The following FGD6 variants were observed in gnomAD, a reference collection of about 807,000 sequenced individuals.
FGD6 encodes the protein FYVE, RhoGEF and PH domain containing 6, also known as FYVE, RhoGEF and PH domain-containing protein 6.
FGD6 carries 90 observed loss-of-function variants against 149.4 expected under a neutral mutation model. The ratio of observed to expected loss-of-function variants is 0.60; its 90% CI spans 0.51 to 0.72. The LOEUF (loss-of-function observed/expected upper bound fraction) is 0.72. FGD6 is among the 30% of genes least tolerant of loss of function. FGD6 has a pLI of 0.00. For synonymous variants in FGD6, 527 were observed against 584.0 expected (o/e 0.90, Z 1.41); for missense variants, 1,437 against 1,684.8 (o/e 0.85, Z 2.57).
chr12:95,172,244 C>T (rs1442660485), intron 3 of FGD6, among the ~76,000 whole-genome samples: 1 of 152,108 alleles, frequency 6.6e-6, no homozygotes, highest in Non-Finnish European at 1.5e-5. Flanking sequence ...GGCGTGGTGG[C>T]AGGTGTCTGT....
intron 2 of FGD6, among the ~76,000 whole-genome samples, chr12:95,178,952 G>A (rs1881206046): frequency 1.3e-5 from 2 of 151,904 alleles, no homozygotes; most frequent in Admixed American, 1.3e-4. Flanking sequence ...GCAAGCTAGG[G>A]TTCTATGGCT....
intron 6 of FGD6, among the ~76,000 whole-genome samples, chr12:95,140,973 C>G (rs1317347621): frequency 6.6e-6 from 1 of 152,028 alleles, no homozygotes; most frequent in Non-Finnish European, 1.5e-5. Flanking sequence ...ACCTGTAATC[C>G]CAGCACTTTA....
chr12:95,158,430 C>A (rs1305474827), intron 3 of FGD6, among the ~76,000 whole-genome samples: 1 of 151,908 alleles, frequency 6.6e-6, no homozygotes, highest in Non-Finnish European at 1.5e-5. Context: ...CTGCCTCAGC[C>A]TCCCAAAGTG....
intron 2 of FGD6, among the ~76,000 whole-genome samples, chr12:95,173,183 G>A (rs1265553050): frequency 2.6e-5 from 4 of 152,178 alleles, no homozygotes; most frequent in African/African-American, 7.2e-5. Flanking sequence ...ATGAGGACTC[G>A]GGGGTAATAA....
At chr12:95,106,001 CTCTG>C (rs1478827851) in intron 13 of FGD6, among the ~76,000 whole-genome samples, 1 of 151,940 alleles carries the variant, frequency 6.6e-6, no homozygotes, top group Non-Finnish European at 1.5e-5. Context: ...CAGAGTGAGA[CTCTG>C]TCACAAAAAA....
At chr12:95,139,656 A>G (rs1044219851) in intron 6 of FGD6, among the ~76,000 whole-genome samples, 1 of 142,808 alleles carries the variant, frequency 7.0e-6, no homozygotes. Flanking sequence ...TATTTCTATC[A>G]TGACTTTTTT....
intron 2 of FGD6, among the ~76,000 whole-genome samples, chr12:95,201,628 G>A (rs1163931861): frequency 6.6e-6 from 1 of 152,030 alleles, no homozygotes; most frequent in African/African-American, 2.4e-5. Flanking sequence ...CAAATACTTA[G>A]GAGAACATAG....
intron 13 of FGD6, 25 bp from the exon 14 acceptor site, chr12:95,105,111 G>A: frequency 6.3e-7 from 1 of 1,585,538 alleles, no homozygotes; most frequent in Non-Finnish European, 8.6e-7. Flanking sequence ...AACAATTTGA[G>A]CCGACTCATC....
At chr12:95,126,256 A>C in intron 8 of FGD6, 1 of 1,307,812 alleles carries the variant, frequency 7.6e-7, no homozygotes, top group Non-Finnish European at 1.1e-6. Context: ...GCTGTGGGCA[A>C]GAAGGCTCCA....
At chr12:95,179,662 A>G (rs970965705) in intron 2 of FGD6, among the ~76,000 whole-genome samples, 2 of 152,170 alleles carry the variant, frequency 1.3e-5, no homozygotes, top group African/African-American at 4.8e-5. Flanking sequence ...CAACTTTTAT[A>G]TGTAATTGGC....
At chr12:95,094,834 G>T in intron 14 of FGD6, 140 bp from the exon 15 acceptor site, 1 of 634,862 alleles carries the variant, frequency 1.6e-6, no homozygotes. Context: ...TCAGAGTTGA[G>T]GCAGGTTTAG....
Position 95,137,512 on chromosome 12 carries a change from T to G in FGD6, c.2994+10A>C. 1.3e-6 allele frequency: 2 copies of G among 1,558,804 alleles called. No individual in the cohort carries two copies. Among genetic ancestry groups the G allele is most frequent in the Non-Finnish European group, 1.7e-6 (2 of 1,152,756 alleles). On this transcript the variant is annotated intron_variant, in intron 7 of 20. Transcript: ENST00000343958. ...AAGAGAAGTGTTCAACATTAGATAG[T>G]AGCAAATACCTCAAATTCTCTAACA... is the stretch of plus-strand genomic sequence containing the variant.
At chr12:95,200,972 T>C (rs1341154164) in intron 2 of FGD6, among the ~76,000 whole-genome samples, 1 of 151,438 alleles carries the variant, frequency 6.6e-6, no homozygotes, top group Non-Finnish European at 1.5e-5. Flanking sequence ...CCTAACATAG[T>C]TTCAAGAAAG....
At chr12:95,151,126 C>G (rs1386691763) in intron 5 of FGD6, among the ~76,000 whole-genome samples, 2 of 151,872 alleles carry the variant, frequency 1.3e-5, no homozygotes, top group African/African-American at 4.8e-5. Context: ...GAAGAGAGAA[C>G]TTATCAATAT....
chr12:95,121,441 A>C (rs1258498426), intron 8 of FGD6, among the ~76,000 whole-genome samples: 2 of 111,076 alleles, frequency 1.8e-5, no homozygotes, highest in Non-Finnish European at 3.6e-5. Flanking sequence ...TAAGAGTAAA[A>C]TTCCGTCTCA....
intron 8 of FGD6, among the ~76,000 whole-genome samples, chr12:95,131,970 G>A (rs1266414427): frequency 6.6e-6 from 1 of 152,086 alleles, no homozygotes; most frequent in East Asian, 1.9e-4. Context: ...AACCTGGTAG[G>A]CGGAGGTTGC....
intron 8 of FGD6, among the ~76,000 whole-genome samples, chr12:95,127,024 A>T (rs1012638033): frequency 3.3e-5 from 5 of 152,168 alleles, no homozygotes; most frequent in African/African-American, 1.2e-4. Context: ...TATCTTCCTA[A>T]TTTAACATGG....
chr12:95,121,479 A>ATATGTG (rs1390223384), intron 8 of FGD6, among the ~76,000 whole-genome samples: 2 of 53,344 alleles, frequency 3.7e-5, no homozygotes, highest in African/African-American at 1.7e-4. Context: ...ATATATATAT[A>ATATGTG]TGTATATATA....
Position 95,209,885 on chromosome 12 carries a change from A to G in FGD6, c.1399T>C (p.Leu467=). The G allele has an allele frequency of 1.2e-6, 2 of 1,613,304 alleles. No individual in the cohort carries two copies. The highest frequency in any genetic ancestry group is 1.1e-5 in the South Asian group (1 of 90,686). The change falls in exon 2 of 21, where the codon TTG becomes CTG. Residue 467 remains leucine (L), a synonymous_variant. Transcript: ENST00000343958. ...KQLKLTCNEH[L]QSGRNLGVSA... ...ACTCCCAGGTTTCTCCCAGATTGCAAATGTTCATTGCAAGTTAATTTGAGC... is the reference window on the plus strand; with the variant it reads ...ACTCCCAGGTTTCTCCCAGATTGCAGATGTTCATTGCAAGTTAATTTGAGC...
Sources: gnomAD v4.1 joint callset for allele counts (sites outside exome capture counted in the v4.1 genomes callset) on GRCh38, gnomAD v4.1.1 for gene constraint, MANE v1.5 for transcripts, NCBI Gene and HGNC (gene_info 2026-07-23, HGNC 2026-07-21) for gene names.